The following LAMA2 variants were observed in gnomAD, a reference collection of about 807,000 sequenced individuals.
LAMA2 encodes laminin subunit alpha-2.
Under a neutral mutation model 364.8 loss-of-function variants are expected in LAMA2, and 269 were observed. The observed-to-expected ratio is 0.74, with a 90% CI of 0.67 to 0.82. The LOEUF (loss-of-function observed/expected upper bound fraction) is 0.82. Among genes scored for constraint, LAMA2 ranks in the 40% least tolerant of loss-of-function variants. The probability of loss-of-function intolerance (pLI) is 0.00; values close to 1 mark genes in which losing one functional copy is unlikely to be tolerated. For synonymous variants in LAMA2, 1,379 were observed against 1,370.6 expected (o/e 1.01, Z -0.14); for missense variants, 3,807 against 3,873.2 (o/e 0.98, Z 0.45).
intron 14 of LAMA2, among the ~76,000 whole-genome samples, chr6:129,255,405 C>T (rs185055298): frequency 0.026 from 889 of 33,784 alleles, 6 homozygotes; most frequent in Middle Eastern, 0.13. Flanking sequence ...GACTCTGTCT[C>T]AAAAAAAAAA....
At position 129,315,772 on chromosome 6, in the gene LAMA2, A is replaced by G. The variant is rs1053422619; in HGVS notation, c.3746A>G (p.Tyr1249Cys). 2.5e-6 allele frequency: 4 copies of G among 1,613,956 alleles called. No individual in the cohort carries two copies. The highest frequency in any genetic ancestry group is 1.7e-5 in the Admixed American group (1 of 60,004). The change falls in exon 26 of 65, where the codon TAT (tyrosine) becomes TGT (cysteine). Residue 1249 changes from tyrosine to cysteine, a missense_variant. By Grantham distance (194) the Tyr-to-Cys change is radical. This residue lies in a region of LAMA2 where 3,333 missense variants were observed against 3,345.7 expected (regional missense o/e 1.00). Coordinates refer to ENST00000421865, the MANE Select transcript of LAMA2 (RefSeq NM_000426.4). ...EQFEGKKLMA[Y>C]GGKLKYAIYF... The stretch of plus-strand genomic sequence containing the variant: ...TTTTTATTTTGTCAGTTGATGGCCT[A>G]TGGGGGCAAACTCAAGTATGCAATC...
chr6:129,381,221 T>C (rs568395695), intron 34 of LAMA2, among the ~76,000 whole-genome samples: 1 of 152,332 alleles, frequency 6.6e-6, no homozygotes, highest in South Asian at 2.1e-4. Context: ...AAAATATAGA[T>C]CAAGTTCCTT....
At chr6:129,117,821 A>AT (rs1266731950) in intron 4 of LAMA2, among the ~76,000 whole-genome samples, 1 of 152,184 alleles carries the variant, frequency 6.6e-6, no homozygotes, top group East Asian at 1.9e-4. Flanking sequence ...AAGAAAACTG[A>AT]TGGGCAATAT....
intron 11 of LAMA2, among the ~76,000 whole-genome samples, chr6:129,192,199 C>T (rs1583218428): frequency 6.6e-6 from 1 of 152,286 alleles, no homozygotes. Context: ...CAGGTACTTG[C>T]ATAGTTTCTT....
intron 20 of LAMA2, among the ~76,000 whole-genome samples, chr6:129,293,661 A>G (rs1280464811): frequency 6.6e-6 from 1 of 152,166 alleles, no homozygotes; most frequent in East Asian, 1.9e-4. Flanking sequence ...ATGCTGGGGA[A>G]GAAGGAAGAG....
At chr6:129,312,667 C>T (rs570567964) in intron 22 of LAMA2, among the ~76,000 whole-genome samples, 194 bp from the exon 23 acceptor site, 67 of 152,244 alleles carry the variant, frequency 4.4e-4, no homozygotes, top group Non-Finnish European at 8.5e-4. Flanking sequence ...CATATATTTC[C>T]ATAAATGCAG....
At chr6:129,366,864 C>T (rs1777807303) in intron 33 of LAMA2, among the ~76,000 whole-genome samples, 1 of 152,274 alleles carries the variant, frequency 6.6e-6, no homozygotes, top group East Asian at 1.9e-4. Flanking sequence ...CAGAGAGCCC[C>T]CTACAAAGGG....
intron 1 of LAMA2, among the ~76,000 whole-genome samples, chr6:128,934,863 A>G (rs1212897088): frequency 6.6e-6 from 1 of 151,854 alleles, no homozygotes; most frequent in East Asian, 1.9e-4. Flanking sequence ...GACTGCATTG[A>G]CTCTGTAGAT....
intron 12 of LAMA2, among the ~76,000 whole-genome samples, chr6:129,249,610 T>G (rs1247767128): frequency 4.6e-5 from 7 of 152,178 alleles, no homozygotes; most frequent in Non-Finnish European, 8.8e-5. Flanking sequence ...CTGCTAACCT[T>G]TTGTTTTTCT....
chr6:129,127,436 G>A (rs1777183519), intron 4 of LAMA2, among the ~76,000 whole-genome samples: 1 of 152,192 alleles, frequency 6.6e-6, no homozygotes, highest in South Asian at 2.1e-4. Context: ...TTGATGGACA[G>A]GTTGATTTCA....
intron 20 of LAMA2, among the ~76,000 whole-genome samples, chr6:129,295,410 A>T (rs544875699): frequency 1.6e-3 from 238 of 152,172 alleles, no homozygotes; most frequent in Non-Finnish European, 2.6e-3. Flanking sequence ...TCTCTCCCAT[A>T]TTTATTTTAC....
In LAMA2 at chr6:129,177,793, A is replaced by G. The variant is rs1583196250; in HGVS notation, c.1394A>G (p.Asp465Gly). The change falls in exon 10 of 65, where the codon GAC becomes GGC. Residue 465 changes from aspartate to glycine, a missense_variant. Physicochemically the swap from Asp to Gly is moderately conservative, Grantham distance 94. Coordinates refer to ENST00000421865, the MANE Select transcript of LAMA2 (RefSeq NM_000426.4). The stretch of plus-strand genomic sequence containing the variant: ...GCCAGGGGCTACACTGGCTACCCGG[A>G]CTGCAAAGCCTGTAACTGCAGTGGG... ...RCARGYTGYP[D>G]CKACNCSGLG... 6.2e-7 allele frequency: 1 copy of G among 1,614,000 alleles called. No homozygotes were observed. The highest frequency in any genetic ancestry group is 1.1e-5 in the South Asian group (1 of 91,086).
At chr6:129,332,052 A>G (rs151044243) in intron 29 of LAMA2, among the ~76,000 whole-genome samples, 1 of 152,294 alleles carries the variant, frequency 6.6e-6, no homozygotes, top group East Asian at 1.9e-4. Context: ...TCCTTGGAGC[A>G]ATTTGTTTCT....
chr6:129,052,144 T>G (rs1467077335), intron 2 of LAMA2, among the ~76,000 whole-genome samples: 1 of 150,462 alleles, frequency 6.6e-6, no homozygotes, highest in Non-Finnish European at 1.5e-5. Context: ...CCTTTTTTTT[T>G]TTTTTTTTTT....
intron 48 of LAMA2, among the ~76,000 whole-genome samples, chr6:129,459,927 GTTTA>G (rs1783162431): frequency 1.3e-5 from 2 of 152,030 alleles, no homozygotes; most frequent in Non-Finnish European, 2.9e-5. Flanking sequence ...GCTAGGAAGT[GTTTA>G]TTTACTGATG....
chr6:128,990,770 T>TGC (rs920508343), intron 1 of LAMA2, among the ~76,000 whole-genome samples: 26 of 152,246 alleles, frequency 1.7e-4, no homozygotes, highest in South Asian at 6.2e-4. Context: ...TGTGTGTGTG[T>TGC]GCTGTTTGAA....
At position 129,465,027 on chromosome 6, in the gene LAMA2, A is replaced by G. The variant is rs1379799452; in HGVS notation, c.7156-118A>G. On this transcript the variant is annotated intron_variant, in intron 50 of 64. Coordinates refer to ENST00000421865, the MANE Select transcript of LAMA2 (RefSeq NM_000426.4). ...TATTTTCAAAATGGATTTCTGCAAC[A>G]GAGTGACATATTCAGCAATTTAGCC... 4 of 821,006 alleles carry G rather than the reference A, an allele frequency of 4.9e-6. No individual in the cohort carries two copies. In the Admixed American group the frequency reaches 7.5e-5, roughly 15 times the overall value. The allele number at this position is 821,006 out of a possible 1,614,324, so 50.9% of individuals were successfully genotyped here. A position where few individuals can be genotyped will look rare whatever the true frequency, so the allele number is the denominator to read the frequency against.
Position 129,384,298 on chromosome 6 carries a change from C to T in LAMA2, c.5071+1065C>T, listed in dbSNP as rs553307843. Among the ~76,000 whole-genome samples, 10 of 152,244 alleles carry T rather than the reference C, an allele frequency of 6.6e-5. No homozygotes were observed. The South Asian group carries it at 2.1e-3, about 32-fold the overall frequency. On this transcript the variant is annotated intron_variant, in intron 35 of 64. Transcript: ENST00000421865. ...GCTACTTGAAGTGTCCCCCTCCAAC[C>T]CAAAACAACAACAACAACAAATCCC...
rs146674960 is a variant in LAMA2, at chr6:129,394,404, A to G, written c.5445+1149A>G. Among the ~76,000 whole-genome samples the G allele has an allele frequency of 4.4e-3, 665 of 152,352 alleles. 6 individuals are homozygous for G. The highest frequency in any genetic ancestry group is 0.015 in the African/African-American group (609 of 41,586). On this transcript the variant is annotated intron_variant, in intron 37 of 64. Transcript: ENST00000421865. Reference sequence around the variant, plus strand: ...ATTCATTTCTATTTTCCTTTAGATTAAGTAGTAAGAGGAAGAATTACATTT... The same window carrying G: ...ATTCATTTCTATTTTCCTTTAGATTGAGTAGTAAGAGGAAGAATTACATTT...
Sources: gnomAD v4.1 joint callset for allele counts (sites outside exome capture counted in the v4.1 genomes callset) on GRCh38, gnomAD v4.1.1 for gene constraint, gnomAD v4.1.1 regional missense constraint, MANE v1.5 for transcripts, NCBI Gene and HGNC (gene_info 2026-07-23, HGNC 2026-07-21) for gene names.